OTOA: variants seen among roughly 807,000 people sequenced by gnomAD.
The protein encoded by OTOA is otoancorin, also known as cancer/testis antigen 108.
A neutral mutation model predicts 110.8 loss-of-function variants in OTOA; 70 were observed. The observed-to-expected ratio is 0.63, with a 90% CI of 0.52 to 0.77. OTOA has a LOEUF of 0.77. OTOA is among the 30% of genes least tolerant of loss of function. The probability of loss-of-function intolerance (pLI) is 0.00; values close to 1 mark genes in which losing one functional copy is unlikely to be tolerated. For missense variants in OTOA, 917 were observed against 1,075.8 expected (o/e 0.85, Z 2.06); for synonymous variants, 373 against 431.5 (o/e 0.86, Z 1.68).
At chr16:21,726,080 CGTT>C (rs1306315950) in intron 18 of OTOA, among the ~76,000 whole-genome samples, 3 of 152,156 alleles carry the variant, frequency 2.0e-5, no homozygotes, top group African/African-American at 4.8e-5. Context: ...TCTCTCTCCT[CGTT>C]GTCTCTTTTT....
chr16:21,678,986 A>C, intron 3 of OTOA, 43 bp downstream of exon 3: 7 of 1,613,802 alleles, frequency 4.3e-6, no homozygotes, highest in Non-Finnish European at 5.9e-6. Flanking sequence ...CCTCTACTGG[A>C]ATTGCCAACT....
intron 1 of OTOA, among the ~76,000 whole-genome samples, chr16:21,678,275 G>A (rs1966865335): frequency 1.3e-5 from 2 of 152,072 alleles, no homozygotes; most frequent in Non-Finnish European, 2.9e-5. Flanking sequence ...TCACCAAGGA[G>A]AGAGATGATA....
Position 21,715,008 on chromosome 16 carries a change from C to T in OTOA, c.1344C>T (p.Ser448=), listed in dbSNP as rs1175621654. The part of the protein sequence containing the change: ...HEKVLSFYNV[S]QMGALLAGVS... ...AGGTGCTGTCTTTCTACAATGTCAG[C>T]CAGATGGGCGCACTGCTGGCTGGGG... is the stretch of plus-strand genomic sequence containing the variant. Residue 448 remains serine (S), a synonymous_variant, in exon 14 of 29, where the codon AGC becomes AGT. Coordinates refer to ENST00000646100, the MANE Select transcript of OTOA (RefSeq NM_144672.4). 1 of 1,614,178 alleles carries T rather than the reference C, an allele frequency of 6.2e-7. No homozygotes were observed. Among genetic ancestry groups the T allele is most frequent in the East Asian group, 2.2e-5 (1 of 44,884 alleles).
intron 11 of OTOA, chr16:21,704,814 G>A (rs1898122603): frequency 1.9e-5 from 12 of 639,720 alleles, no homozygotes; most frequent in Non-Finnish European, 3.0e-5. Context: ...TTTTATAGGC[G>A]GAGGGTAATG....
At chr16:21,675,063 G>GTCTGTCTT (rs1469043576) in intron 1 of OTOA, among the ~76,000 whole-genome samples, 12 of 123,254 alleles carry the variant, frequency 9.7e-5, no homozygotes, top group Non-Finnish European at 1.5e-4. Flanking sequence ...TTTTCTTTCT[G>GTCTGTCTT]TCTTTCTTTC....
chr16:21,707,742 T>C (rs1898232672), intron 12 of OTOA, among the ~76,000 whole-genome samples: 2 of 141,928 alleles, frequency 1.4e-5, no homozygotes, highest in South Asian at 2.4e-4. Flanking sequence ...CTCTCTTTCT[T>C]TCTTTCCTCC....
At chr16:21,726,311 G>C (rs1486670958) in intron 18 of OTOA, among the ~76,000 whole-genome samples, 1 of 151,996 alleles carries the variant, frequency 6.6e-6, no homozygotes, top group Non-Finnish European at 1.5e-5. Flanking sequence ...TCATGGAAGA[G>C]GAGCATGATG....
chr16:21,721,471 G>A (rs1019386913), intron 17 of OTOA: 11 of 455,954 alleles, frequency 2.4e-5, no homozygotes, highest in African/African-American at 1.0e-4. Context: ...CCTACAATGC[G>A]TAGGACAGCA....
At chr16:21,719,035 G>A (rs749587706) in intron 15 of OTOA, 98 bp from the exon 16 acceptor site, 2 of 1,215,098 alleles carry the variant, frequency 1.6e-6, no homozygotes, top group Non-Finnish European at 2.4e-6. Flanking sequence ...TTCCCCATCT[G>A]TAAAATGGGA....
intron 18 of OTOA, among the ~76,000 whole-genome samples, chr16:21,725,830 A>G (rs1196266897): frequency 6.6e-6 from 1 of 152,184 alleles, no homozygotes; most frequent in African/African-American, 2.4e-5. Flanking sequence ...AAGAAATTAT[A>G]CACTGAGGAA....
intron 1 of OTOA, among the ~76,000 whole-genome samples, chr16:21,674,896 C>CT (rs60269668): frequency 0.14 from 4,243 of 29,828 alleles, 1,145 homozygotes; most frequent in African/African-American, 0.24. Context: ...TTTTAAAAAT[C>CT]TTTTTTTTTT....
At chr16:21,675,393 G>A (rs1966855904) in intron 1 of OTOA, among the ~76,000 whole-genome samples, 1 of 134,286 alleles carries the variant, frequency 7.4e-6, no homozygotes, top group African/African-American at 2.8e-5. Flanking sequence ...TTGGCCTCAA[G>A]TGATTTGCCC....
intron 28 of OTOA, among the ~76,000 whole-genome samples, chr16:21,759,575 A>C (rs1900102644): frequency 6.6e-6 from 1 of 151,924 alleles, no homozygotes; most frequent in East Asian, 1.9e-4. Flanking sequence ...TCAAAGTGAG[A>C]TTGCTAGATC....
intron 13 of OTOA, among the ~76,000 whole-genome samples, chr16:21,714,356 T>C (rs1567384309): frequency 1.7e-5 from 2 of 115,664 alleles, no homozygotes; most frequent in African/African-American, 5.7e-5. Flanking sequence ...TTTCTTTCCT[T>C]CTCTCTTTCT....
At chr16:21,684,285 C>G (rs1966957030) in intron 6 of OTOA, 2 of 1,245,670 alleles carry the variant, frequency 1.6e-6, no homozygotes, top group Admixed American at 7.3e-5. Flanking sequence ...TAGAGTTCAC[C>G]TTTTGCCCAT....
intron 28 of OTOA, 105 bp from the exon 29 acceptor site, chr16:21,760,365 C>A (rs1900130134): frequency 1.1e-6 from 1 of 879,270 alleles, no homozygotes; most frequent in African/African-American, 1.6e-5. Context: ...CAAGGCTCTG[C>A]ATCAAGTGGC....
intron 12 of OTOA, among the ~76,000 whole-genome samples, chr16:21,707,380 G>A (rs1480258926): frequency 1.3e-5 from 2 of 151,956 alleles, no homozygotes; most frequent in Non-Finnish European, 2.9e-5. Context: ...CACAGGGAGG[G>A]CCTGTTCAAA....
chr16:21,709,965 T>C lies in OTOA; in HGVS notation c.1182T>C (p.Val394=). ...CCCTGGGTTCTTTGTCGGATGCAGT[T>C]GTAGGTTTGACCTACAGCCAACTGG... ...NETLGSLSDA[V]VGLTYSQLES... Residue 394 remains valine (V), a synonymous_variant, in exon 13 of 29, where the codon GTT becomes GTC. Coordinates refer to ENST00000646100, the MANE Select transcript of OTOA (RefSeq NM_144672.4). The C allele has an allele frequency of 1.2e-6, 2 of 1,614,022 alleles. No individual in the cohort carries two copies. The highest frequency in any genetic ancestry group is 1.7e-6 in the Non-Finnish European group (2 of 1,179,942).
Position 21,684,419 on chromosome 16 carries a change from G to C in OTOA, c.268-811G>C, listed in dbSNP as rs543533749. 1.0e-5 allele frequency: 16 copies of C among 1,525,830 alleles called. No homozygotes were observed. The African/African-American group carries it at 1.9e-4, about 18-fold the overall frequency. The allele number at this position is 1,525,830 out of a possible 1,614,324, so 94.5% of individuals were successfully genotyped here. On this transcript the variant is annotated intron_variant, in intron 6 of 28. Transcript: ENST00000646100. ...CTTGCCCTGTAGGGGGCGCCACAGAGTATGTTCATTTCGCCTGTATTTTGC... is the reference window on the plus strand; with the variant it reads ...CTTGCCCTGTAGGGGGCGCCACAGACTATGTTCATTTCGCCTGTATTTTGC...
Sources: gnomAD v4.1 joint callset for allele counts (sites outside exome capture counted in the v4.1 genomes callset) on GRCh38, gnomAD v4.1.1 for gene constraint, MANE v1.5 for transcripts, NCBI Gene and HGNC (gene_info 2026-07-23, HGNC 2026-07-21) for gene names.